The following LY96 variants were observed in gnomAD, a reference collection of about 807,000 sequenced individuals.
LY96 encodes the protein myeloid differentiation protein-2.
In LY96, 18 loss-of-function variants were observed where a neutral mutation model predicts 18.9. That is an observed-to-expected ratio of 0.95 (90% confidence interval 0.66 to 1.41). The LOEUF (loss-of-function observed/expected upper bound fraction) is 1.41. Ranked by LOEUF, LY96 falls within the 40% of genes most tolerant of loss-of-function variation. The pLI is 0.00. For synonymous variants in LY96, 66 were observed against 62.6 expected (o/e 1.06, Z -0.26); for missense variants, 175 against 182.4 (o/e 0.96, Z 0.23).
At chr8:74,019,543 G>A (rs769896246) in intron 3 of LY96, among the ~76,000 whole-genome samples, 37 of 152,188 alleles carry the variant, frequency 2.4e-4, no homozygotes, top group South Asian at 8.3e-4. Flanking sequence ...CAATAGAAAA[G>A]GAGGGAATCC....
At chr8:74,084,962 G>A in the LY96 span, among the ~76,000 whole-genome samples, 2 of 152,150 alleles carry the variant, frequency 1.3e-5, no homozygotes, top group Non-Finnish European at 2.9e-5. Flanking sequence ...AGAAAGAATT[G>A]CAGACTCATT....
intron 1 of LY96, among the ~76,000 whole-genome samples, chr8:74,003,404 C>A (rs1816340644): frequency 6.6e-6 from 1 of 152,172 alleles, no homozygotes; most frequent in African/African-American, 2.4e-5. Flanking sequence ...ACAATTAATC[C>A]AATTGTGACA....
At chr8:74,052,968 T>C in the LY96 span, among the ~76,000 whole-genome samples, 1 of 152,232 alleles carries the variant, frequency 6.6e-6, no homozygotes, top group African/African-American at 2.4e-5. Flanking sequence ...GAAAATTTAA[T>C]CAGAAAATGT....
At chr8:74,052,249 C>T in the LY96 span, 2 of 152,138 alleles carry the variant, frequency 1.3e-5, no homozygotes, top group Non-Finnish European at 2.9e-5. Flanking sequence ...TGCTAGACAA[C>T]AGGGGCTAAG....
At chr8:73,992,168 G>C (rs76397932) in intron 1 of LY96, among the ~76,000 whole-genome samples, 1 of 151,686 alleles carries the variant, frequency 6.6e-6, no homozygotes, top group African/African-American at 2.4e-5. Context: ...TTTTTTTTTG[G>C]AGTCAGCCAT....
At chr8:74,008,646 G>A (rs966212369) in intron 2 of LY96, among the ~76,000 whole-genome samples, 4 of 152,020 alleles carry the variant, frequency 2.6e-5, no homozygotes, top group African/African-American at 9.7e-5. Context: ...TGGTGATGAA[G>A]AGGAGGAAAT....
rs543289122 is a variant in LY96, at chr8:73,993,000, G to A, written c.112+1446G>A. Among the ~76,000 whole-genome samples, 335 of 151,076 alleles carry A rather than the reference G, an allele frequency of 2.2e-3. 1 individual carries two copies. Among genetic ancestry groups the A allele is most frequent in the Non-Finnish European group, 4.1e-3 (281 of 67,800 alleles). ...CTCCTGAGTAGCTGGGACTACAGGT[G>A]TGCGCCACCACACCCGGCTAATTTT... On this transcript the variant is annotated intron_variant, in intron 1 of 4. Coordinates refer to ENST00000284818, the MANE Select transcript of LY96 (RefSeq NM_015364.5).
chr8:73,991,681 G>A (rs1816008068), intron 1 of LY96, 127 bp downstream of exon 1: 2 of 660,924 alleles, frequency 3.0e-6, no homozygotes, highest in South Asian at 1.5e-5. Flanking sequence ...TGTGGCGGAC[G>A]CTGCCAGCAG....
At chr8:74,025,197 AC>A (rs1366399557) in intron 3 of LY96, among the ~76,000 whole-genome samples, 1 of 152,190 alleles carries the variant, frequency 6.6e-6, no homozygotes, top group Non-Finnish European at 1.5e-5. Flanking sequence ...GAGTTGTACT[AC>A]CATTGTCTTC....
At chr8:74,009,158 A>G (rs574457126) in intron 2 of LY96, among the ~76,000 whole-genome samples, 1 of 151,348 alleles carries the variant, frequency 6.6e-6, no homozygotes, top group South Asian at 2.1e-4. Context: ...GTACTTTGGG[A>G]GGCTGAGGTG....
rs193263455 is a variant in LY96, at chr8:74,028,658, C to A, written c.385-298C>A. On this transcript the variant is annotated intron_variant, in intron 4 of 4. Coordinates refer to ENST00000284818, the MANE Select transcript of LY96 (RefSeq NM_015364.5). ...ATTTTATGCATTTTACTTATGGTGA[C>A]CATTTTAAAATAAAATTTAATAATG... 9.1e-4 allele frequency among the ~76,000 whole-genome samples: 138 copies of A among 151,934 alleles called. 1 individual carries two copies. The highest frequency in any genetic ancestry group is 2.9e-3 in the African/African-American group (120 of 41,412).
At chr8:74,025,463 T>C (rs924297796) in intron 3 of LY96, among the ~76,000 whole-genome samples, 3 of 151,522 alleles carry the variant, frequency 2.0e-5, no homozygotes, top group Non-Finnish European at 2.9e-5. Context: ...AATACCAGCC[T>C]GGCCAACATA....
chr8:74,022,579 T>A (rs1016949002), intron 3 of LY96, among the ~76,000 whole-genome samples: 1 of 148,120 alleles, frequency 6.8e-6, no homozygotes, highest in East Asian at 1.9e-4. Flanking sequence ...TTTTCTTTTT[T>A]TCTTTTTTTT....
the LY96 span, among the ~76,000 whole-genome samples, chr8:74,060,495 T>A: frequency 6.6e-6 from 1 of 152,224 alleles, no homozygotes; most frequent in Non-Finnish European, 1.5e-5. Flanking sequence ...GACAGTGAAC[T>A]CCTAGAGAGG....
At chr8:74,083,829 C>T in the LY96 span, among the ~76,000 whole-genome samples, 1 of 151,830 alleles carries the variant, frequency 6.6e-6, no homozygotes, top group Non-Finnish European at 1.5e-5. Flanking sequence ...GTAGCTGGGA[C>T]CACAGGCATG....
chr8:74,081,050 T>TTTCTTTCTTTC, the LY96 span, among the ~76,000 whole-genome samples: 8 of 109,980 alleles, frequency 7.3e-5, 1 homozygote, highest in Non-Finnish European at 1.1e-4. Context: ...TTCTTTCTTT[T>TTTCTTTCTTTC]TCTTTCTTTC....
At chr8:74,087,609 C>A in the LY96 span, among the ~76,000 whole-genome samples, 1 of 152,166 alleles carries the variant, frequency 6.6e-6, no homozygotes, top group Admixed American at 6.5e-5. Context: ...CCGTAAAGGG[C>A]CTCAAACATG....
At chr8:74,040,146 A>G in the LY96 span, among the ~76,000 whole-genome samples, 1 of 152,240 alleles carries the variant, frequency 6.6e-6, no homozygotes, top group African/African-American at 2.4e-5. Flanking sequence ...TTCCTAGGTT[A>G]TATTAGTAAT....
the LY96 span, among the ~76,000 whole-genome samples, chr8:74,038,039 A>G: frequency 1.3e-5 from 2 of 152,156 alleles, no homozygotes; most frequent in Non-Finnish European, 2.9e-5. Context: ...CATAGTAGGT[A>G]TATATATTTA....
Sources: allele counts gnomAD v4.1 joint callset (sites outside exome capture counted in the v4.1 genomes callset), GRCh38; gene constraint gnomAD v4.1.1; transcripts MANE v1.5; gene names NCBI Gene and HGNC (gene_info 2026-07-23, HGNC 2026-07-21).